MYOZ2: variants seen among roughly 807,000 people sequenced by gnomAD.
MYOZ2 encodes the protein myozenin-2.
MYOZ2 carries 19 observed loss-of-function variants against 25.4 expected under a neutral mutation model. That is an observed-to-expected ratio of 0.75 (90% CI 0.52 to 1.10). The LOEUF (loss-of-function observed/expected upper bound fraction) is 1.10. Among genes scored for constraint, MYOZ2 ranks in the 50% least tolerant of loss-of-function variants. The pLI is 0.00. For missense variants in MYOZ2, 270 were observed against 317.9 expected, an observed-to-expected ratio of 0.85 and a Z score of 1.15; for synonymous variants, 92 against 106.9, an observed-to-expected ratio of 0.86 and a Z score of 0.86.
intron 5 of MYOZ2, among the ~76,000 whole-genome samples, chr4:119,166,145 T>G (rs1401590625): frequency 6.6e-6 from 1 of 152,214 alleles, no homozygotes; most frequent in East Asian, 1.9e-4. Context: ...AACTTAGGAA[T>G]TAAATTCTTT....
intron 1 of MYOZ2, among the ~76,000 whole-genome samples, 199 bp from the exon 2 acceptor site, chr4:119,136,313 C>G (rs942099108): frequency 1.3e-5 from 2 of 152,162 alleles, no homozygotes; most frequent in Non-Finnish European, 1.5e-5. Flanking sequence ...CAGACTGGGT[C>G]TCTGTTCACT....
rs138061447 is a variant in MYOZ2 at position 119,158,077 on chromosome 4, C to T, written c.302C>T (p.Ser101Leu). ...GATGGAAGTAACTTGGAAGGTGGTTCGCAGCAAGCCCCCTTGACTCCTCCC... is the reference window on the plus strand; with the variant it reads ...GATGGAAGTAACTTGGAAGGTGGTTTGCAGCAAGCCCCCTTGACTCCTCCC... ...KVDGSNLEGG[S>L]QQAPLTPPNT... Residue 101 changes from serine to leucine, a missense_variant, in exon 4 of 6, where the codon TCG becomes TTG. Ser to Leu is a moderately radical substitution (Grantham distance 145). Coordinates refer to ENST00000307128, the MANE Select transcript of MYOZ2 (RefSeq NM_016599.5). The T allele has an allele frequency of 3.5e-5, 57 of 1,613,808 alleles. No homozygotes were observed. Among genetic ancestry groups the T allele is most frequent in the South Asian group, 1.1e-5 (1 of 91,060 alleles).
At chr4:119,136,752 A>G (rs1239879571) in intron 2 of MYOZ2, 151 bp downstream of exon 2, 11 of 787,176 alleles carry the variant, frequency 1.4e-5, no homozygotes, top group South Asian at 3.3e-5. Context: ...AGAAAAGCCT[A>G]TGGTAACTAA....
intron 2 of MYOZ2, among the ~76,000 whole-genome samples, chr4:119,149,294 C>G (rs541010943): frequency 2.0e-5 from 3 of 152,228 alleles, no homozygotes; most frequent in African/African-American, 4.8e-5. Flanking sequence ...CACTCGGTCT[C>G]TCTGACACCA....
intron 4 of MYOZ2, among the ~76,000 whole-genome samples, chr4:119,158,570 T>C (rs141291484): frequency 2.0e-4 from 31 of 152,198 alleles, no homozygotes; most frequent in African/African-American, 6.3e-4. Flanking sequence ...AAAAGTTTCT[T>C]TTTTGGATAA....
chr4:119,169,614 T>C (rs1013560190), intron 5 of MYOZ2, among the ~76,000 whole-genome samples: 1 of 152,216 alleles, frequency 6.6e-6, no homozygotes, highest in Non-Finnish European at 1.5e-5. Context: ...ACGTTTCTCC[T>C]TGAGGCACCT....
intron 2 of MYOZ2, among the ~76,000 whole-genome samples, chr4:119,150,400 T>G (rs1331749352): frequency 6.6e-6 from 1 of 151,964 alleles, no homozygotes; most frequent in Non-Finnish European, 1.5e-5. Context: ...CAGTGCTAGA[T>G]GCAGAATAAA....
At chr4:119,144,235 A>C (rs1414085966) in intron 2 of MYOZ2, among the ~76,000 whole-genome samples, 4 of 152,132 alleles carry the variant, frequency 2.6e-5, no homozygotes, top group Admixed American at 2.6e-4. Context: ...ACCTTTTGGG[A>C]ATGGCTTTTT....
chr4:119,159,084 C>A (rs1436915080), intron 4 of MYOZ2, among the ~76,000 whole-genome samples: 1 of 152,012 alleles, frequency 6.6e-6, no homozygotes, highest in Non-Finnish European at 1.5e-5. Context: ...AATATATACA[C>A]CTATTATGTA....
chr4:119,184,434 A>G (rs778773076), intron 5 of MYOZ2, among the ~76,000 whole-genome samples: 13 of 152,218 alleles, frequency 8.5e-5, no homozygotes, highest in Non-Finnish European at 1.6e-4. Flanking sequence ...GCCATACTGT[A>G]CATGTCTAAC....
intron 5 of MYOZ2, among the ~76,000 whole-genome samples, chr4:119,166,471 TG>T (rs1456254281): frequency 6.6e-6 from 1 of 150,676 alleles, no homozygotes; most frequent in African/African-American, 2.5e-5. Flanking sequence ...ATCACACCAC[TG>T]TACTCCCACC....
At chr4:119,142,199 A>G (rs1375638357) in intron 2 of MYOZ2, among the ~76,000 whole-genome samples, 2 of 152,178 alleles carry the variant, frequency 1.3e-5, no homozygotes, top group African/African-American at 4.8e-5. Flanking sequence ...TCAAGCTACC[A>G]CCATGGAAGC....
chr4:119,165,111 C>G (rs879434640), intron 5 of MYOZ2, among the ~76,000 whole-genome samples: 2 of 148,362 alleles, frequency 1.3e-5, no homozygotes, highest in African/African-American at 2.5e-5. Flanking sequence ...AAGTTAGACT[C>G]AATTTATAGG....
rs536815023 is a variant in MYOZ2, at chr4:119,157,226, A to G, written c.247-796A>G. Among the ~76,000 whole-genome samples, 15 of 152,294 alleles carry G rather than the reference A, an allele frequency of 9.8e-5. No homozygotes were observed. In the South Asian group the frequency reaches 1.9e-3, roughly 19 times the overall value. On this transcript the variant is annotated intron_variant, in intron 3 of 5. Transcript: ENST00000307128. ...TGACCTAATCGCTTCTTTTTAAAAT[A>G]CACATATTTCCTATATGCAATTAAA... is the stretch of plus-strand genomic sequence containing the variant.
chr4:119,149,808 T>A (rs1038070801), intron 2 of MYOZ2, among the ~76,000 whole-genome samples: 3 of 152,220 alleles, frequency 2.0e-5, no homozygotes, highest in African/African-American at 4.8e-5. Context: ...AGTGGACTCC[T>A]CTAATTTTAC....
intron 1 of MYOZ2, 24 bp from the exon 2 acceptor site, chr4:119,136,488 A>G (rs764533340): frequency 1.4e-5 from 22 of 1,588,376 alleles, no homozygotes; most frequent in Non-Finnish European, 1.9e-5. Context: ...CATTGCCTCA[A>G]TAATGTCCCT....
intron 2 of MYOZ2, among the ~76,000 whole-genome samples, chr4:119,146,496 G>C (rs1473564352): frequency 1.3e-5 from 2 of 151,926 alleles, no homozygotes; most frequent in African/African-American, 4.8e-5. Context: ...GAACTATTTA[G>C]AAGTATGTTG....
chr4:119,164,457 C>G (rs1741779615), intron 5 of MYOZ2, 63 bp downstream of exon 5: 1 of 1,541,512 alleles, frequency 6.5e-7, no homozygotes, highest in Non-Finnish European at 8.9e-7. Context: ...CATCATGGTA[C>G]AGATAACTGA....
At chr4:119,152,395 G>A (rs1452926377) in intron 3 of MYOZ2, among the ~76,000 whole-genome samples, 2 of 151,910 alleles carry the variant, frequency 1.3e-5, no homozygotes, top group South Asian at 2.1e-4. Context: ...GGTGGCTTAC[G>A]GAAGTCTTTG....
Sources: allele counts gnomAD v4.1 joint callset (sites outside exome capture counted in the v4.1 genomes callset), GRCh38; gene constraint gnomAD v4.1.1; transcripts MANE v1.5; gene names NCBI Gene and HGNC (gene_info 2026-07-23, HGNC 2026-07-21).